Variants in SNRPN observed in about 807,000 individuals in gnomAD.
The protein encoded by SNRPN is small nuclear ribonucleoprotein-associated protein N.
In SNRPN, 7 loss-of-function variants were observed where a neutral mutation model predicts 25.2. That is an observed-to-expected ratio of 0.28 (90% CI 0.16 to 0.52). SNRPN has a LOEUF of 0.52. SNRPN is among the 20% of genes least tolerant of loss of function. The probability of loss-of-function intolerance (pLI) is 0.96; values close to 1 mark genes in which losing one functional copy is unlikely to be tolerated. For synonymous variants in SNRPN, 124 were observed against 110.6 expected, an observed-to-expected ratio of 1.12 and a Z score of -0.76; for missense variants, 196 against 322.5, an observed-to-expected ratio of 0.61 and a Z score of 3.00.
intron 2 of SNRPN, among the ~76,000 whole-genome samples, chr15:24,835,201 A>G (rs2142197242): frequency 6.8e-6 from 1 of 147,468 alleles, no homozygotes; most frequent in South Asian, 2.1e-4. Context: ...CAAAGCATCA[A>G]ATAAAATTTT....
At chr15:24,835,093 T>TATATAGTATATGTATCTATATATAAA (rs1566807559) in intron 2 of SNRPN, among the ~76,000 whole-genome samples, 1 of 10,894 alleles carries the variant, frequency 9.2e-5, no homozygotes, top group African/African-American at 2.4e-4. Context: ...ATATAAAATA[T>TATATAGTATATGTATCTATATATAAA]ATAGATATAT....
intron 2 of SNRPN, among the ~76,000 whole-genome samples, chr15:24,962,426 A>G (rs965853553): frequency 6.6e-6 from 1 of 152,218 alleles, no homozygotes; most frequent in African/African-American, 2.4e-5. Context: ...TTTTTCCTAT[A>G]CGTGGGTAAG....
chr15:24,925,090 T>C (rs1299896870), intron 3 of SNRPN, among the ~76,000 whole-genome samples: 1 of 152,190 alleles, frequency 6.6e-6, no homozygotes, highest in Non-Finnish European at 1.5e-5. Context: ...ATTTTATCTA[T>C]TGACTTAAAT....
intron 2 of SNRPN, among the ~76,000 whole-genome samples, chr15:24,834,751 C>CTCTATATATA: frequency 1.0e-3 from 63 of 60,954 alleles, no homozygotes; most frequent in Non-Finnish European, 1.8e-3. Flanking sequence ...CTCTCTCTCT[C>CTCTATATATA]TATATATATA....
At chr15:24,962,060 T>G in intron 1 of SNRPN, 54 bp from the exon 2 acceptor site, 1 of 1,370,902 alleles carries the variant, frequency 7.3e-7, no homozygotes, top group East Asian at 2.3e-5. Flanking sequence ...GACAAATAGT[T>G]ATTTCATAGA....
chr15:24,901,935 A>G (rs1949357493), intron 2 of SNRPN, among the ~76,000 whole-genome samples: 1 of 152,208 alleles, frequency 6.6e-6, no homozygotes, highest in South Asian at 2.1e-4. Flanking sequence ...TGGAGGAAGA[A>G]ATGAGGATGA....
At position 24,967,995 on chromosome 15, in the gene SNRPN, A is replaced by G. The variant is rs201516822; in HGVS notation, c.-231A>G. The G allele has an allele frequency of 6.2e-7, 1 of 1,614,116 alleles. No individual in the cohort carries two copies. The highest frequency in any genetic ancestry group is 2.2e-5 in the East Asian group (1 of 44,872). ...TACCTGTGGTGGATTTCCAGGCTGAACTGAGGCAGGCATTCTTAGCTGAGA... is the reference window on the plus strand; with the variant it reads ...TACCTGTGGTGGATTTCCAGGCTGAGCTGAGGCAGGCATTCTTAGCTGAGA... On this transcript the variant is annotated 5_prime_UTR_variant, in exon 3 of 10. Coordinates refer to ENST00000390687, the MANE Select transcript of SNRPN (RefSeq NM_003097.6).
At chr15:24,978,027 C>G (rs144503909) in intron 8 of SNRPN, 111 bp downstream of exon 8, 44 of 1,233,842 alleles carry the variant, frequency 3.6e-5, no homozygotes, top group African/African-American at 9.1e-5. Context: ...CTTCCTTCTT[C>G]TAGATACTGG....
At chr15:24,890,642 G>T (rs1438659326) in intron 2 of SNRPN, among the ~76,000 whole-genome samples, 2 of 152,120 alleles carry the variant, frequency 1.3e-5, no homozygotes, top group Non-Finnish European at 2.9e-5. Context: ...TCGCGCCATT[G>T]CACTCCAGCC....
At chr15:24,927,580 C>T (rs1016411875) in intron 3 of SNRPN, among the ~76,000 whole-genome samples, 7 of 140,764 alleles carry the variant, frequency 5.0e-5, no homozygotes, top group East Asian at 4.4e-4. Context: ...TCCTGAGAAC[C>T]GGGATATACG....
At chr15:24,837,543 G>C (rs1485953133) in intron 2 of SNRPN, among the ~76,000 whole-genome samples, 1 of 151,292 alleles carries the variant, frequency 6.6e-6, no homozygotes, top group Non-Finnish European at 1.5e-5. Flanking sequence ...TAATTTTTTT[G>C]TATTTTTGGT....
intron 2 of SNRPN, among the ~76,000 whole-genome samples, chr15:24,899,774 A>G (rs1207989155): frequency 1.3e-5 from 2 of 152,220 alleles, no homozygotes; most frequent in African/African-American, 2.4e-5. Flanking sequence ...TATTCTGTGT[A>G]GCCTCTAACA....
intron 3 of SNRPN, among the ~76,000 whole-genome samples, chr15:24,944,534 C>G (rs750514243): frequency 1.3e-5 from 2 of 152,126 alleles, no homozygotes; most frequent in Non-Finnish European, 2.9e-5. Flanking sequence ...CCCATCTGTA[C>G]TAAAAATACA....
chr15:24,956,914 G>A (rs1008822213), intron 1 of SNRPN, among the ~76,000 whole-genome samples: 8 of 152,296 alleles, frequency 5.3e-5, no homozygotes, highest in Non-Finnish European at 8.8e-5. Context: ...GGCCATCAAA[G>A]GTGCAGCCAC....
At chr15:24,848,257 G>GC (rs1227263224) in intron 2 of SNRPN, 1 of 139,334 alleles carries the variant, frequency 7.2e-6, no homozygotes, top group Non-Finnish European at 1.6e-5. Flanking sequence ...GGCGGGGGCG[G>GC]GGGCGGGGGC....
intron 3 of SNRPN, among the ~76,000 whole-genome samples, chr15:24,945,813 A>G (rs549968595): frequency 6.6e-6 from 1 of 152,100 alleles, no homozygotes; most frequent in African/African-American, 2.4e-5. Context: ...TGCTCCCTAG[A>G]TTGAGGCGGG....
chr15:24,891,700 A>G (rs2057692915), intron 2 of SNRPN, among the ~76,000 whole-genome samples: 1 of 152,052 alleles, frequency 6.6e-6, no homozygotes, highest in African/African-American at 2.4e-5. Context: ...GGCCTCCCAA[A>G]GTGTTGGGAT....
chr15:24,886,112 A>G lies in SNRPN; in HGVS notation c.-578-404A>G, dbSNP rs114837311. Among the ~76,000 whole-genome samples, 686 of 152,284 alleles carry G rather than the reference A, an allele frequency of 4.5e-3. 5 individuals carry two copies. Among genetic ancestry groups the G allele is most frequent in the Middle Eastern group, 0.02 (6 of 294 alleles). On this transcript the variant is annotated intron_variant, in intron 1 of 11. Coordinates refer to the SNRPN transcript ENST00000400097. ...ATCCATGCACTTTCTTGTAAAATGC[A>G]GTTTTAACAAGAACACTGCTAAGTT...
intron 7 of SNRPN, among the ~76,000 whole-genome samples, chr15:24,977,338 G>A (rs1457422050): frequency 1.3e-5 from 2 of 152,148 alleles, no homozygotes; most frequent in African/African-American, 2.4e-5. Context: ...ACTAAGATTA[G>A]TTTTTAAAAT....
Sources: gnomAD v4.1 joint callset for allele counts (sites outside exome capture counted in the v4.1 genomes callset) on GRCh38, gnomAD v4.1.1 for gene constraint, MANE v1.5 for transcripts, NCBI Gene and HGNC (gene_info 2026-07-23, HGNC 2026-07-21) for gene names.